SGCZ: variants seen among roughly 807,000 people sequenced by gnomAD.
The protein encoded by SGCZ is zeta-sarcoglycan.
Under a neutral mutation model 41.3 loss-of-function variants are expected in SGCZ, and 40 were observed. The observed-to-expected ratio is 0.97, with a 90% CI of 0.75 to 1.26. SGCZ has a LOEUF of 1.26. Among genes scored for constraint, SGCZ ranks in the 50% most tolerant of loss-of-function variants. The pLI is 0.00. For missense variants in SGCZ, 552 were observed against 369.8 expected (o/e 1.49, Z -4.04); for synonymous variants, 206 against 137.5 (o/e 1.50, Z -3.49).
chr8:14,647,149 T>A (rs570607332), intron 1 of SGCZ, among the ~76,000 whole-genome samples: 3 of 152,136 alleles, frequency 2.0e-5, no homozygotes, highest in South Asian at 2.1e-4. Flanking sequence ...ATCTAGACTA[T>A]TTTTTAAGAG....
At chr8:14,404,654 G>T (rs1339533171) in intron 2 of SGCZ, among the ~76,000 whole-genome samples, 2 of 152,158 alleles carry the variant, frequency 1.3e-5, no homozygotes, top group Non-Finnish European at 2.9e-5. Flanking sequence ...ATAAAAGGAA[G>T]TCAAGATTCT....
chr8:14,796,037 G>T (rs970234858), intron 1 of SGCZ, among the ~76,000 whole-genome samples: 2 of 152,064 alleles, frequency 1.3e-5, no homozygotes, highest in African/African-American at 4.8e-5. Flanking sequence ...GTATTCCATG[G>T]TGTGTATGTA....
At chr8:14,171,021 T>C (rs1000476950) in intron 4 of SGCZ, among the ~76,000 whole-genome samples, 18 of 152,192 alleles carry the variant, frequency 1.2e-4, no homozygotes, top group African/African-American at 3.8e-4. Flanking sequence ...ATGTCAAAAA[T>C]GTTACTGTAT....
At chr8:14,711,528 G>C (rs984104642) in intron 1 of SGCZ, among the ~76,000 whole-genome samples, 2 of 148,664 alleles carry the variant, frequency 1.3e-5, no homozygotes, top group African/African-American at 5.0e-5. Flanking sequence ...CTTGAATCCA[G>C]GAGGCAGAGG....
chr8:15,029,645 G>C (rs540413451), intron 1 of SGCZ, among the ~76,000 whole-genome samples: 3 of 152,114 alleles, frequency 2.0e-5, no homozygotes, highest in Admixed American at 1.3e-4. Context: ...GTTACTTGAG[G>C]ATTTACAGAC....
At chr8:15,094,283 C>G (rs1407366979) in intron 1 of SGCZ, among the ~76,000 whole-genome samples, 1 of 152,072 alleles carries the variant, frequency 6.6e-6, no homozygotes, top group Non-Finnish European at 1.5e-5. Flanking sequence ...TACAGGCGTG[C>G]ACCACCATGC....
At chr8:14,294,521 C>A (rs764359683) in intron 3 of SGCZ, among the ~76,000 whole-genome samples, 5 of 151,742 alleles carry the variant, frequency 3.3e-5, no homozygotes, top group Non-Finnish European at 7.4e-5. Flanking sequence ...AGATACAGTA[C>A]CAAAATCATG....
At chr8:14,901,073 G>T (rs750646081) in intron 1 of SGCZ, among the ~76,000 whole-genome samples, 3 of 152,112 alleles carry the variant, frequency 2.0e-5, no homozygotes, top group Non-Finnish European at 2.9e-5. Flanking sequence ...TTACTCAAAG[G>T]AAGAGAGCTT....
chr8:14,991,647 G>A (rs982905751), intron 1 of SGCZ, among the ~76,000 whole-genome samples: 1 of 152,052 alleles, frequency 6.6e-6, no homozygotes, highest in Non-Finnish European at 1.5e-5. Flanking sequence ...TTGTGTTAGT[G>A]CAAGGAAACT....
At chr8:15,148,628 G>T (rs1347164944) in intron 1 of SGCZ, among the ~76,000 whole-genome samples, 1 of 152,072 alleles carries the variant, frequency 6.6e-6, no homozygotes, top group African/African-American at 2.4e-5. Flanking sequence ...CGATATTGTT[G>T]AGTCTCACTT....
chr8:14,537,931 T>G (rs1321038570), intron 2 of SGCZ, among the ~76,000 whole-genome samples: 1 of 151,918 alleles, frequency 6.6e-6, no homozygotes, highest in African/African-American at 2.4e-5. Context: ...TACAACTCTT[T>G]CGTTTGCTTT....
chr8:15,055,684 A>G (rs1038355403), intron 1 of SGCZ, among the ~76,000 whole-genome samples: 1 of 152,210 alleles, frequency 6.6e-6, no homozygotes, highest in African/African-American at 2.4e-5. Flanking sequence ...GCCACTGTCA[A>G]CCAACGAGAA....
chr8:15,116,921 T>C (rs1021391392), intron 1 of SGCZ, among the ~76,000 whole-genome samples: 1 of 152,350 alleles, frequency 6.6e-6, no homozygotes, highest in Middle Eastern at 3.4e-3. Context: ...ATATAAACTG[T>C]ATAACTTTTA....
chr8:14,383,460 A>G (rs1430572936), intron 2 of SGCZ, among the ~76,000 whole-genome samples: 2 of 152,174 alleles, frequency 1.3e-5, no homozygotes, highest in East Asian at 3.8e-4. Context: ...CAGGCTAATT[A>G]GTTTCATGCT....
At chr8:14,386,802 G>A (rs1057440548) in intron 2 of SGCZ, among the ~76,000 whole-genome samples, 3 of 152,102 alleles carry the variant, frequency 2.0e-5, no homozygotes, top group African/African-American at 7.2e-5. Context: ...GACAGAATTA[G>A]ACAAGAAAAA....
chr8:14,597,638 C>T (rs748460530), intron 1 of SGCZ, among the ~76,000 whole-genome samples: 2 of 152,034 alleles, frequency 1.3e-5, no homozygotes, highest in African/African-American at 2.4e-5. Context: ...CCACCATGCC[C>T]GGCTAATTTT....
intron 2 of SGCZ, among the ~76,000 whole-genome samples, chr8:14,469,291 TG>T (rs1801142961): frequency 2.0e-5 from 3 of 152,166 alleles, no homozygotes. Flanking sequence ...GAAGGGTTTT[TG>T]CATTTTCCTA....
intron 1 of SGCZ, among the ~76,000 whole-genome samples, chr8:15,167,070 T>C (rs556485533): frequency 6.6e-6 from 1 of 152,372 alleles, no homozygotes; most frequent in African/African-American, 2.4e-5. Context: ...TGACCTTTAA[T>C]AATTGAGTAA....
At chr8:15,005,890 G>C (rs1802594480) in intron 1 of SGCZ, among the ~76,000 whole-genome samples, 1 of 152,106 alleles carries the variant, frequency 6.6e-6, no homozygotes, top group Admixed American at 6.5e-5. Flanking sequence ...TAATTGCTGT[G>C]CTATTTTATT....
Sources: allele counts gnomAD v4.1 joint callset (sites outside exome capture counted in the v4.1 genomes callset), GRCh38; gene constraint gnomAD v4.1.1; transcripts MANE v1.5; gene names NCBI Gene and HGNC (gene_info 2026-07-23, HGNC 2026-07-21).